Variants in SLC4A4 observed in about 807,000 individuals in gnomAD.
The protein encoded by SLC4A4 is solute carrier family 4 member 4.
A neutral mutation model predicts 111.5 loss-of-function variants in SLC4A4; 27 were observed. The ratio of observed to expected loss-of-function variants is 0.24; its 90% CI spans 0.18 to 0.33. The LOEUF is 0.33. SLC4A4 is among the 10% of genes least tolerant of loss of function. The pLI is 1.00. For missense variants in SLC4A4, 909 were observed against 1,315.5 expected, an observed-to-expected ratio of 0.69 and a Z score of 4.78; for synonymous variants, 443 against 463.4, an observed-to-expected ratio of 0.96 and a Z score of 0.57.
chr4:71,183,425 C>CT (rs1560764243), upstream of SLC4A4, among the ~76,000 whole-genome samples: 1 of 152,152 alleles, frequency 6.6e-6, no homozygotes. Flanking sequence ...TAAAAAGGGG[C>CT]TACAGGTATT....
At chr4:71,308,611 A>G (rs983496597) in intron 3 of SLC4A4, among the ~76,000 whole-genome samples, 20 of 152,152 alleles carry the variant, frequency 1.3e-4, no homozygotes, top group Admixed American at 1.3e-3. Flanking sequence ...TCACCCAGGA[A>G]GTGCAAGGGG....
chr4:71,186,806 C>T (rs535392157), upstream of SLC4A4: 2 of 152,322 alleles, frequency 1.3e-5, no homozygotes, highest in Non-Finnish European at 2.9e-5. Context: ...AGCCCCCGCA[C>T]CCCGGCTTGC....
intron 7 of SLC4A4, among the ~76,000 whole-genome samples, chr4:71,406,489 C>T (rs546981479): frequency 6.6e-6 from 1 of 152,142 alleles, no homozygotes. Context: ...TTCTAGCTCA[C>T]TTGTCTGATT....
At chr4:71,453,716 C>T in intron 12 of SLC4A4, 47 bp downstream of exon 12, 2 of 1,565,578 alleles carry the variant, frequency 1.3e-6, no homozygotes, top group Non-Finnish European at 1.8e-6. Context: ...CCCAGATTGC[C>T]TTCCTCACCC....
chr4:71,451,490 T>G (rs905849669), intron 11 of SLC4A4, among the ~76,000 whole-genome samples, 189 bp downstream of exon 11: 2 of 152,218 alleles, frequency 1.3e-5, no homozygotes, highest in Non-Finnish European at 2.9e-5. Context: ...CATAAGGATC[T>G]TATATTGTAG....
rs559303471 is a variant in SLC4A4, at chr4:71,406,625, C to CTA, written c.807+8973_807+8974insAT. Among the ~76,000 whole-genome samples the CTA allele has an allele frequency of 1.1e-4, 16 of 147,258 alleles. No homozygotes were observed. In the East Asian group the frequency reaches 3.2e-3, roughly 30 times the overall value. Reference sequence around the variant, plus strand: ...GCTGGTTTTACTTCCTAGAACTGAACTGAAATGAAAACAATGATTCTTTTT... The same window carrying CTA: ...GCTGGTTTTACTTCCTAGAACTGAACTATGAAATGAAAACAATGATTCTTTTT... On this transcript the variant is annotated intron_variant, in intron 7 of 25. Transcript: ENST00000264485.
intron 2 of SLC4A4, among the ~76,000 whole-genome samples, chr4:71,248,889 C>T (rs1308480871): frequency 6.6e-6 from 1 of 152,170 alleles, no homozygotes; most frequent in East Asian, 1.9e-4. Flanking sequence ...TCTTGGAAGA[C>T]AGATGCATAC....
intron 4 of SLC4A4, 98 bp from the exon 5 acceptor site, chr4:71,349,814 G>A (rs1021735487): frequency 1.3e-5 from 14 of 1,072,700 alleles, no homozygotes; most frequent in Non-Finnish European, 7.2e-6. Context: ...AGACATTTTG[G>A]AAGTGCTGGA....
At chr4:71,545,317 A>G (rs184508912) in intron 18 of SLC4A4, among the ~76,000 whole-genome samples, 2 of 152,082 alleles carry the variant, frequency 1.3e-5, no homozygotes, top group East Asian at 3.9e-4. Flanking sequence ...CTGTAACAAG[A>G]TCTGAATGAT....
intron 2 of SLC4A4, among the ~76,000 whole-genome samples, chr4:71,153,747 G>A (rs183766746): frequency 6.6e-5 from 10 of 152,072 alleles, no homozygotes; most frequent in South Asian, 2.1e-4. Context: ...GGCCAGACTC[G>A]CTGTCTACTT....
At chr4:71,503,272 G>T (rs1731110766) in intron 16 of SLC4A4, among the ~76,000 whole-genome samples, 1 of 147,402 alleles carries the variant, frequency 6.8e-6, no homozygotes, top group Non-Finnish European at 1.5e-5. Context: ...CATTCCCTCT[G>T]TATCTTTTCA....
chr4:71,458,558 A>G (rs1478743600), intron 12 of SLC4A4, among the ~76,000 whole-genome samples: 1 of 152,086 alleles, frequency 6.6e-6, no homozygotes, highest in Non-Finnish European at 1.5e-5. Context: ...TGTGATATTT[A>G]TGGAGCTTAA....
chr4:71,469,888 T>C (rs559708380), intron 13 of SLC4A4, among the ~76,000 whole-genome samples: 3 of 152,078 alleles, frequency 2.0e-5, no homozygotes, highest in African/African-American at 7.2e-5. Flanking sequence ...TATACATGTA[T>C]CTTTTCCTTT....
intron 3 of SLC4A4, among the ~76,000 whole-genome samples, chr4:71,288,644 C>T (rs1013752208): frequency 1.3e-5 from 2 of 152,002 alleles, no homozygotes; most frequent in Admixed American, 1.3e-4. Context: ...GGTGATCCAC[C>T]CCCCTTGGCC....
chr4:71,127,505 A>G (rs1432755498), intron 2 of SLC4A4, among the ~76,000 whole-genome samples: 1 of 152,224 alleles, frequency 6.6e-6, no homozygotes, highest in Non-Finnish European at 1.5e-5. Flanking sequence ...TTGAATTAAA[A>G]TAAATATGCC....
At chr4:71,471,272 TG>T (rs1283400525) in intron 13 of SLC4A4, among the ~76,000 whole-genome samples, 1 of 151,992 alleles carries the variant, frequency 6.6e-6, no homozygotes, top group African/African-American at 2.4e-5. Flanking sequence ...GTAAAGAATT[TG>T]AATTTTATTC....
intron 2 of SLC4A4, among the ~76,000 whole-genome samples, chr4:71,165,397 T>G (rs1019400545): frequency 6.6e-6 from 1 of 152,180 alleles, no homozygotes; most frequent in African/African-American, 2.4e-5. Context: ...ATTCATGTCC[T>G]TTGCAGGGAC....
intron 14 of SLC4A4, among the ~76,000 whole-genome samples, chr4:71,480,298 A>T (rs750912135): frequency 8.1e-4 from 123 of 151,636 alleles, no homozygotes; most frequent in Middle Eastern, 3.4e-3. Context: ...TACAACTTGA[A>T]CTTGCCTAGT....
At chr4:71,461,119 T>C (rs1726778382) in intron 12 of SLC4A4, among the ~76,000 whole-genome samples, 1 of 152,164 alleles carries the variant, frequency 6.6e-6, no homozygotes, top group Non-Finnish European at 1.5e-5. Flanking sequence ...TATTATTTAT[T>C]ATTCAATATG....
Sources: allele counts gnomAD v4.1 joint callset (sites outside exome capture counted in the v4.1 genomes callset), GRCh38; gene constraint gnomAD v4.1.1; transcripts MANE v1.5; gene names NCBI Gene and HGNC (gene_info 2026-07-23, HGNC 2026-07-21).